Variants in CHD9 observed in about 807,000 individuals in gnomAD.
CHD9 encodes the protein ATP-dependent chromatin remodeler CHD9.
In CHD9, 77 loss-of-function variants were observed where a neutral mutation model predicts 316.1. The ratio of observed to expected loss-of-function variants is 0.24; its 90% CI spans 0.20 to 0.29. The LOEUF is 0.29. CHD9 is among the 10% of genes least tolerant of loss of function. The pLI, the probability that CHD9 is intolerant of heterozygous loss-of-function variation, is 1.00. For synonymous variants in CHD9, 1,129 were observed against 1,158.3 expected (o/e 0.97, Z 0.51); for missense variants, 2,763 against 3,438.1 (o/e 0.80, Z 4.91).
intron 27 of CHD9, among the ~76,000 whole-genome samples, chr16:53,290,110 C>T (rs769712466): frequency 6.6e-6 from 1 of 152,072 alleles, no homozygotes; most frequent in African/African-American, 2.4e-5. Flanking sequence ...CCAATCTCTA[C>T]TAAATATACA....
At chr16:53,134,762 A>T (rs1192488093) in intron 1 of CHD9, among the ~76,000 whole-genome samples, 1 of 152,196 alleles carries the variant, frequency 6.6e-6, no homozygotes, top group Non-Finnish European at 1.5e-5. Context: ...AACCACTTTG[A>T]ACTGTAATTT....
intron 24 of CHD9, among the ~76,000 whole-genome samples, chr16:53,280,128 A>T (rs1239982081): frequency 1.3e-5 from 2 of 152,222 alleles, no homozygotes; most frequent in African/African-American, 4.8e-5. Flanking sequence ...CCTTAAAGAG[A>T]TAAAAGTATA....
intron 5 of CHD9, 200 bp from the exon 6 acceptor site, chr16:53,227,196 A>C: frequency 4.8e-6 from 2 of 418,682 alleles, no homozygotes; most frequent in Non-Finnish European, 4.3e-6. Context: ...TGTTTGCTAC[A>C]GAGATAATGC....
rs773495050 is a variant in CHD9 at position 53,156,658 on chromosome 16, A to G, written c.569A>G (p.Gln190Arg). The part of the protein sequence containing the change: ...QQNRNNLNPG[Q>R]NSLSQSKNFM... ...AACAGAAATAATCTCAACCCAGGGC[A>G]GAATTCTCTTAGCCAGTCTAAAAAT... The change falls in exon 2 of 39, where the codon CAG (glutamine) becomes CGG (arginine). Residue 190 changes from glutamine to arginine, a missense_variant. Physicochemically the swap from Gln to Arg is conservative, Grantham distance 43. Transcript: ENST00000447540. The G allele has an allele frequency of 5.0e-6, 8 of 1,613,874 alleles. No individual in the cohort carries two copies.
chr16:53,119,251 A>G (rs1244445329), intron 1 of CHD9, among the ~76,000 whole-genome samples: 2 of 152,182 alleles, frequency 1.3e-5, no homozygotes, highest in Non-Finnish European at 1.5e-5. Context: ...AGTTTTCTGC[A>G]TAGCAATTAT....
intron 36 of CHD9, 29 bp from the exon 37 acceptor site, chr16:53,318,183 A>ATT (rs746839186): frequency 6.4e-7 from 1 of 1,574,680 alleles, no homozygotes; most frequent in Non-Finnish European, 8.6e-7. Flanking sequence ...TAAAGACTTT[A>ATT]AAGATATGTC....
rs776428622 is a variant in CHD9 at position 53,157,428 on chromosome 16, C to T, written c.1339C>T (p.Arg447Trp). ...DRQFTSHLVT[R>W]PSDMAQTQLQ... Reference sequence around the variant, plus strand: ...GCAGTTTACTTCGCATCTGGTAACACGGCCTTCTGATATGGCTCAGACTCA... The same window carrying T: ...GCAGTTTACTTCGCATCTGGTAACATGGCCTTCTGATATGGCTCAGACTCA... Residue 447 changes from arginine (R) to tryptophan (W), a missense_variant, in exon 2 of 39, where the codon CGG becomes TGG. Transcript: ENST00000447540. The T allele has an allele frequency of 8.1e-6, 13 of 1,613,832 alleles. No homozygotes were observed. The highest frequency in any genetic ancestry group is 6.7e-5 in the East Asian group (3 of 44,892).
intron 4 of CHD9, among the ~76,000 whole-genome samples, chr16:53,224,232 A>C (rs573971517): frequency 6.6e-6 from 1 of 152,306 alleles, no homozygotes; most frequent in Admixed American, 6.5e-5. Context: ...TTTAAAAAAC[A>C]TTATGGAAAA....
intron 1 of CHD9, among the ~76,000 whole-genome samples, chr16:53,113,763 C>A (rs1028394393): frequency 6.6e-6 from 1 of 152,000 alleles, no homozygotes; most frequent in African/African-American, 2.4e-5. Flanking sequence ...TGTAGCGGCA[C>A]GATTGTAGCT....
At chr16:53,233,536 C>T (rs1341062291) in intron 10 of CHD9, among the ~76,000 whole-genome samples, 1 of 152,130 alleles carries the variant, frequency 6.6e-6, no homozygotes, top group Non-Finnish European at 1.5e-5. Context: ...GGAGTCTTCA[C>T]TATGTAGGCA....
Position 53,274,320 on chromosome 16 carries a change from T to C in CHD9, c.4967+18T>C, listed in dbSNP as rs1450602191. ...GATGCAAGGTAAGTTAAACAATTTT[T>C]ATTATTTTTGTTTGTTTGTTGTCTT... On this transcript the variant is annotated intron_variant, in intron 24 of 38. Transcript: ENST00000447540. 3 of 1,490,506 alleles carry C rather than the reference T, an allele frequency of 2.0e-6. No individual in the cohort carries two copies. Among genetic ancestry groups the C allele is most frequent in the Non-Finnish European group, 1.8e-6 (2 of 1,097,242 alleles). The allele number at this position is 1,490,506 out of a possible 1,614,324, so 92.3% of individuals were successfully genotyped here.
rs767212499 is a variant in CHD9, at chr16:53,238,315, G to T, written c.2634-28G>T. 83 of 1,583,308 alleles carry T rather than the reference G, an allele frequency of 5.2e-5. 1 individual carries two copies. The South Asian group carries it at 9.4e-4, about 18-fold the overall frequency. On this transcript the variant is annotated intron_variant, in intron 11 of 38. Transcript: ENST00000447540. ...AGTATAGAAAAAAAACCCAATGTATGCATGGATAATGTATTTGTTTATTTC... is the reference window on the plus strand; with the variant it reads ...AGTATAGAAAAAAAACCCAATGTATTCATGGATAATGTATTTGTTTATTTC...
intron 30 of CHD9, 63 bp from the exon 31 acceptor site, chr16:53,303,657 A>C (rs1475673870): frequency 5.1e-6 from 6 of 1,182,294 alleles, no homozygotes; most frequent in Non-Finnish European, 5.8e-6. Context: ...TGTATTTATA[A>C]TGATTTATTT....
At chr16:53,279,943 C>T (rs2053242943) in intron 24 of CHD9, among the ~76,000 whole-genome samples, 1 of 152,118 alleles carries the variant, frequency 6.6e-6, no homozygotes, top group African/African-American at 2.4e-5. Context: ...CGCTAATGAT[C>T]AGGGAAATGC....
At chr16:53,246,425 C>T (rs111307185) in intron 15 of CHD9, among the ~76,000 whole-genome samples, 3 of 152,100 alleles carry the variant, frequency 2.0e-5, no homozygotes, top group African/African-American at 7.2e-5. Flanking sequence ...TTGGATTATC[C>T]GAAGGAAGTA....
chr16:53,286,322 G>C lies in CHD9; in HGVS notation c.5168G>C (p.Arg1723Thr), dbSNP rs774586063. Reference sequence around the variant, plus strand: ...GAGAAAGCAGTTGCTGCTGAACAGAGAGCGAATGATTATATGGATGGGTAT... The same window carrying C: ...GAGAAAGCAGTTGCTGCTGAACAGACAGCGAATGATTATATGGATGGGTAT... ...PDEKAVAAEQ[R>T]ANDYMDGDVE... The change falls in exon 26 of 39, where the codon AGA becomes ACA. Residue 1723 changes from arginine (R) to threonine (T), a missense_variant. Coordinates refer to ENST00000447540, the MANE Select transcript of CHD9 (RefSeq NM_001308319.2). The C allele has an allele frequency of 8.1e-6, 13 of 1,606,984 alleles. No homozygotes were observed. The highest frequency in any genetic ancestry group is 1.1e-5 in the Non-Finnish European group (13 of 1,173,820).
chr16:53,140,513 C>T (rs2040031855), intron 1 of CHD9, among the ~76,000 whole-genome samples: 1 of 151,970 alleles, frequency 6.6e-6, no homozygotes, highest in Admixed American at 6.6e-5. Flanking sequence ...TCAGTGGCAA[C>T]TAGGAAATTT....
intron 4 of CHD9, among the ~76,000 whole-genome samples, chr16:53,225,342 T>C (rs929308191): frequency 6.6e-6 from 1 of 152,176 alleles, no homozygotes; most frequent in African/African-American, 2.4e-5. Flanking sequence ...AATTGAACAG[T>C]TGGTTGAGAT....
chr16:53,289,838 G>A (rs192218084), intron 27 of CHD9, among the ~76,000 whole-genome samples: 10 of 152,248 alleles, frequency 6.6e-5, no homozygotes, highest in Admixed American at 6.5e-5. Flanking sequence ...AAAGCTACCC[G>A]TTGAAACTGG....
Sources: gnomAD v4.1 joint callset for allele counts (sites outside exome capture counted in the v4.1 genomes callset) on GRCh38, gnomAD v4.1.1 for gene constraint, MANE v1.5 for transcripts, NCBI Gene and HGNC (gene_info 2026-07-23, HGNC 2026-07-21) for gene names.